Variants in PRKN observed in about 807,000 individuals in gnomAD.
The protein encoded by PRKN is parkin RBR E3 ubiquitin protein ligase, also known as E3 ubiquitin-protein ligase parkin.
PRKN carries 56 observed loss-of-function variants against 59.5 expected under a neutral mutation model. That is an observed-to-expected ratio of 0.94 (90% CI 0.76 to 1.18). The LOEUF (loss-of-function observed/expected upper bound fraction) is 1.18. PRKN is among the 50% of genes most tolerant of loss of function. The pLI, the probability that PRKN is intolerant of heterozygous loss-of-function variation, is 0.00. For synonymous variants in PRKN, 250 were observed against 222.1 expected, an observed-to-expected ratio of 1.13 and a Z score of -1.12; for missense variants, 657 against 596.4, an observed-to-expected ratio of 1.10 and a Z score of -1.06.
chr6:162,227,386 T>TC lies in PRKN; in HGVS notation c.413-26135_413-26134insG, dbSNP rs550320590. On this transcript the variant is annotated intron_variant, in intron 3 of 11. Transcript: ENST00000366898. ...CTGGAATAATTTAGCTACTTTTTTT[T>TC]TCTCTCTCTACCCTTTATATCTATA... is the stretch of plus-strand genomic sequence containing the variant. 1.2e-3 allele frequency among the ~76,000 whole-genome samples: 186 copies of TC among 152,318 alleles called. 1 individual carries two copies. The highest frequency in any genetic ancestry group is 4.2e-3 in the African/African-American group (173 of 41,570).
chr6:162,057,795 G>A (rs2128286623), intron 4 of PRKN, among the ~76,000 whole-genome samples: 1 of 152,298 alleles, frequency 6.6e-6, no homozygotes, highest in African/African-American at 2.4e-5. Context: ...AACGTGCTTT[G>A]TAATGGCATA....
intron 7 of PRKN, among the ~76,000 whole-genome samples, chr6:161,741,667 G>A (rs1482580728): frequency 1.3e-5 from 2 of 152,030 alleles, no homozygotes; most frequent in African/African-American, 4.8e-5. Context: ...AAACTGGTCT[G>A]GGGTGATCCT....
At chr6:161,984,796 T>G (rs756659143) in intron 5 of PRKN, among the ~76,000 whole-genome samples, 1 of 152,206 alleles carries the variant, frequency 6.6e-6, no homozygotes, top group Non-Finnish European at 1.5e-5. Context: ...TAGCATTTCA[T>G]GAAGGGTCCC....
intron 1 of PRKN, among the ~76,000 whole-genome samples, chr6:162,597,538 T>G (rs539580111): frequency 1.3e-5 from 2 of 152,364 alleles, no homozygotes; most frequent in South Asian, 4.1e-4. Context: ...TCTTATTATG[T>G]GTCTATATTG....
In PRKN at chr6:161,470,013, G is replaced by C. The variant is rs1176123222; in HGVS notation, c.1083+78841C>G. Reference sequence around the variant, plus strand: ...ACTATGAACCGGGCATTGCTAGGCTGAACATCCAACATACATAGTTTCCTT... The same window carrying C: ...ACTATGAACCGGGCATTGCTAGGCTCAACATCCAACATACATAGTTTCCTT... On this transcript the variant is annotated intron_variant, in intron 9 of 11. Transcript: ENST00000366898. The surrounding 1 kb of genome is among the most constrained non-coding windows in gnomAD (Gnocchi z 5.1). Among the ~76,000 whole-genome samples, 1 of 152,178 alleles carries C rather than the reference G, an allele frequency of 6.6e-6. No individual in the cohort carries two copies. The highest frequency in any genetic ancestry group is 1.5e-5 in the Non-Finnish European group (1 of 68,028).
chr6:162,293,520 T>A (rs974825254), intron 2 of PRKN, among the ~76,000 whole-genome samples: 1 of 151,970 alleles, frequency 6.6e-6, no homozygotes, highest in Non-Finnish European at 1.5e-5. Context: ...AGGGAGTGGG[T>A]GAGTGGGAGA....
At chr6:161,452,035 A>C (rs1383862019) in intron 9 of PRKN, among the ~76,000 whole-genome samples, 1 of 146,572 alleles carries the variant, frequency 6.8e-6, no homozygotes, top group Non-Finnish European at 1.5e-5. Context: ...GGCTCACTGC[A>C]CCCTCCCCCT....
rs553335245 is a variant in PRKN at position 162,082,138 on chromosome 6, T to C, written c.535-27964A>G. ...TCCAAGTGTTGTGGGAGGAACCTGG[T>C]TGGGGGTTGTTGAATCATGGGGGTA... On this transcript the variant is annotated intron_variant, in intron 4 of 11. Transcript: ENST00000366898. Among the ~76,000 whole-genome samples, 128 of 152,124 alleles carry C rather than the reference T, an allele frequency of 8.4e-4. 1 individual carries two copies. The highest frequency in any genetic ancestry group is 1.4e-3 in the Non-Finnish European group (97 of 67,998).
rs947099110 is a variant in PRKN at position 161,470,770 on chromosome 6, C to T, written c.1083+78084G>A. Reference sequence around the variant, plus strand: ...AGAGTGGACTGTTCCAGTGATGTGCCTACCCTGAGCCCGAAGGCTGCCTGA... The same window carrying T: ...AGAGTGGACTGTTCCAGTGATGTGCTTACCCTGAGCCCGAAGGCTGCCTGA... On this transcript the variant is annotated intron_variant, in intron 9 of 11. Coordinates refer to ENST00000366898, the MANE Select transcript of PRKN (RefSeq NM_004562.3). The surrounding 1 kb of genome is among the most constrained non-coding windows in gnomAD (Gnocchi z 5.1). Among the ~76,000 whole-genome samples, 3 of 152,182 alleles carry T rather than the reference C, an allele frequency of 2.0e-5. No individual in the cohort carries two copies. The highest frequency in any genetic ancestry group is 4.8e-5 in the African/African-American group (2 of 41,432).
intron 4 of PRKN, among the ~76,000 whole-genome samples, chr6:162,156,615 T>G (rs1782526188): frequency 6.6e-6 from 1 of 152,184 alleles, no homozygotes; most frequent in African/African-American, 2.4e-5. Context: ...GCTGCTTTAT[T>G]ATGGCCACAT....
chr6:161,663,063 C>T (rs1784604448), intron 7 of PRKN, among the ~76,000 whole-genome samples: 1 of 152,166 alleles, frequency 6.6e-6, no homozygotes, highest in South Asian at 2.1e-4. Context: ...AAGGGGAGTT[C>T]CCCTGAACAT....
chr6:161,452,465 G>A (rs1380810200), intron 9 of PRKN, among the ~76,000 whole-genome samples: 1 of 152,138 alleles, frequency 6.6e-6, no homozygotes, highest in Non-Finnish European at 1.5e-5. Context: ...TAAGTCACAA[G>A]GCTGAGCTGT....
rs1036716244 is a variant in PRKN at position 162,421,899 on chromosome 6, T to G, written c.171+21411A>C. ...TAAACTATTAAAGTATGTATTCTAT[T>G]TATAAAATAAAAATAATTTATCTAA... On this transcript the variant is annotated intron_variant, in intron 2 of 11. Transcript: ENST00000366898. 2.6e-5 allele frequency among the ~76,000 whole-genome samples: 4 copies of G among 152,314 alleles called. No individual in the cohort carries two copies. The East Asian group carries it at 7.7e-4, about 29-fold the overall frequency.
chr6:161,469,010 G>A (rs117850493), intron 9 of PRKN, among the ~76,000 whole-genome samples: 2,567 of 152,226 alleles, frequency 0.017, 50 homozygotes, highest in Middle Eastern at 0.044. Context: ...ATCTCCTAAT[G>A]ACTCCCCACC....
intron 4 of PRKN, among the ~76,000 whole-genome samples, chr6:162,136,607 CCT>C (rs1429441511): frequency 6.6e-6 from 1 of 152,104 alleles, no homozygotes; most frequent in Non-Finnish European, 1.5e-5. Context: ...GGGGTCTATG[CCT>C]CCTTGGATTG....
At position 161,461,865 on chromosome 6, in the gene PRKN, A is replaced by T. The variant is rs910967448; in HGVS notation, c.1084-74988T>A. ...GACACAGACTTGGGGCCTATCAACT[A>T]TAGGCAGTCAGAACTGCAGAAATAC... On this transcript the variant is annotated intron_variant, in intron 9 of 11. Transcript: ENST00000366898. This position sits in a 1 kb window ranked among gnomAD's most constrained non-coding sequence, Gnocchi z 5.1. 6.6e-6 allele frequency among the ~76,000 whole-genome samples: 1 copy of T among 152,206 alleles called. No individual in the cohort carries two copies. The highest frequency in any genetic ancestry group is 1.5e-5 in the Non-Finnish European group (1 of 68,036).
chr6:162,635,959 G>A (rs1442242611), intron 1 of PRKN, among the ~76,000 whole-genome samples: 1 of 152,018 alleles, frequency 6.6e-6, no homozygotes, highest in Non-Finnish European at 1.5e-5. Flanking sequence ...AGGCACGTTT[G>A]GAGAAAAAGG....
At chr6:161,849,108 C>A (rs1264256336) in intron 6 of PRKN, among the ~76,000 whole-genome samples, 1 of 152,198 alleles carries the variant, frequency 6.6e-6, no homozygotes, top group Non-Finnish European at 1.5e-5. Context: ...CTTTACTTGG[C>A]ATACTGCTCG....
In PRKN at chr6:161,372,660, C is replaced by T. The variant is rs539810477; in HGVS notation, c.1168-12455G>A. 6.6e-6 allele frequency among the ~76,000 whole-genome samples: 1 copy of T among 152,078 alleles called. No individual in the cohort carries two copies. Among genetic ancestry groups the T allele is most frequent in the Non-Finnish European group, 1.5e-5 (1 of 68,016 alleles). On this transcript the variant is annotated intron_variant, in intron 10 of 11. Transcript: ENST00000366898. The surrounding 1 kb of genome is among the most constrained non-coding windows in gnomAD (Gnocchi z 4.2). ...GGAAGCGCTTGTGCTGTGGCTCCCC[C>T]ACTACCCCTCTGGGTCTGAATCCAT...
Sources: allele counts gnomAD v4.1 joint callset (sites outside exome capture counted in the v4.1 genomes callset), GRCh38; gene constraint gnomAD v4.1.1; non-coding constraint Gnocchi (gnomAD v3.1); transcripts MANE v1.5; gene names NCBI Gene and HGNC (gene_info 2026-07-23, HGNC 2026-07-21).